NUP58: variants seen among roughly 807,000 people sequenced by gnomAD.
NUP58 encodes nucleoporin 58.
A neutral mutation model predicts 70.1 loss-of-function variants in NUP58; 17 were observed. That is an observed-to-expected ratio of 0.24 (90% CI 0.17 to 0.36). NUP58 has a LOEUF of 0.36. NUP58 is among the 10% of genes least tolerant of loss of function. The probability of loss-of-function intolerance (pLI) is 1.00; values close to 1 mark genes in which losing one functional copy is unlikely to be tolerated. For synonymous variants in NUP58, 275 were observed against 257.6 expected (o/e 1.07, Z -0.65); for missense variants, 644 against 701.5 (o/e 0.92, Z 0.93).
At chr13:25,343,799 A>G (rs2032010168), downstream of NUP58, among the ~76,000 whole-genome samples, 1 of 99,340 alleles carries the variant, frequency 1.0e-5, no homozygotes. Flanking sequence ...TATTCCACAT[A>G]TATATGTATA....
intron 6 of NUP58, chr13:25,317,822 A>G (rs926387669): frequency 3.3e-5 from 5 of 151,710 alleles, no homozygotes; most frequent in Non-Finnish European, 7.4e-5. Context: ...CCCCATGTGC[A>G]GAGGTAAAAG....
At chr13:25,343,304 T>A (rs112021501), downstream of NUP58, among the ~76,000 whole-genome samples, 918 of 151,600 alleles carry the variant, frequency 6.1e-3, 6 homozygotes, top group African/African-American at 0.017. Flanking sequence ...TCTCTTTTTT[T>A]AAATTTTTAT....
chr13:25,303,853 A>G lies in NUP58; in HGVS notation c.107+1973A>G, dbSNP rs529621851. On this transcript the variant is annotated intron_variant, in intron 1 of 15. Coordinates refer to ENST00000381736, the MANE Select transcript of NUP58 (RefSeq NM_014089.4). ...TGCCTGGCATAGAAAAAGGGCTTTA[A>G]TAACAATTTGAATGACTGAGCAAAT... is the stretch of plus-strand genomic sequence containing the variant. Among the ~76,000 whole-genome samples, 5 of 152,382 alleles carry G rather than the reference A, an allele frequency of 3.3e-5. No homozygotes were observed. In the South Asian group the frequency reaches 8.3e-4, roughly 25 times the overall value.
chr13:25,336,933 C>G lies in NUP58; in HGVS notation c.1436-3C>G. 1 of 1,533,748 alleles carries G rather than the reference C, an allele frequency of 6.5e-7. No individual in the cohort carries two copies. The highest frequency in any genetic ancestry group is 8.7e-7 in the Non-Finnish European group (1 of 1,144,246). On this transcript the variant is annotated splice_polypyrimidine_tract_variant and splice_region_variant and intron_variant, in intron 13 of 15. Transcript: ENST00000381736. ...CCCCATTTTTTTTTTTTTTTTATAC[C>G]AGGGCCACAGCCATCTCTGGGAGTT...
chr13:25,305,245 G>C (rs1265689513), intron 1 of NUP58, among the ~76,000 whole-genome samples: 1 of 149,272 alleles, frequency 6.7e-6, no homozygotes, highest in African/African-American at 2.5e-5. Flanking sequence ...CTGGGCTAAA[G>C]TGATCTTTCC....
At chr13:25,347,554 C>T (rs1265018054) in intron 3 of NUP58, among the ~76,000 whole-genome samples, 1 of 152,238 alleles carries the variant, frequency 6.6e-6, no homozygotes, top group Non-Finnish European at 1.5e-5. Flanking sequence ...AGTCTCAGTG[C>T]TCCAACGTTT....
intron 9 of NUP58, among the ~76,000 whole-genome samples, chr13:25,322,016 T>C (rs902481913): frequency 6.6e-6 from 1 of 152,258 alleles, no homozygotes; most frequent in African/African-American, 2.4e-5. Flanking sequence ...ACAATACATA[T>C]TAAATATATG....
intron 5 of NUP58, among the ~76,000 whole-genome samples, chr13:25,314,288 TAAGG>T (rs1251939703): frequency 6.6e-6 from 1 of 151,428 alleles, no homozygotes; most frequent in Non-Finnish European, 1.5e-5. Flanking sequence ...ACTAACCAGA[TAAGG>T]AAACAAAGAA....
chr13:25,306,957 T>G (rs2030392612), intron 1 of NUP58, among the ~76,000 whole-genome samples: 1 of 152,156 alleles, frequency 6.6e-6, no homozygotes, highest in Non-Finnish European at 1.5e-5. Context: ...TCCCCACTAG[T>G]TTTTCTATGC....
Position 25,337,097 on chromosome 13 carries a change from TA to T in NUP58, c.1534+72del, listed in dbSNP as rs942209028. On this transcript the variant is annotated intron_variant, in intron 14 of 15. Transcript: ENST00000381736. Reference sequence around the variant, plus strand: ...ATATATTTGAATTGATACTAGCCTGTAAAAAAAAATTTCTAAGAGAATCTCC... The same window carrying T: ...ATATATTTGAATTGATACTAGCCTGTAAAAAAAATTTCTAAGAGAATCTCC... The T allele has an allele frequency of 6.2e-4, 666 of 1,075,850 alleles. 1 individual carries two copies. The highest frequency in any genetic ancestry group is 1.4e-3 in the South Asian group (74 of 53,196). 66.6% of individuals were successfully genotyped at this position (1,075,850 alleles called of 1,614,324 possible). A position where few individuals can be genotyped will look rare whatever the true frequency, so the allele number is the denominator to read the frequency against.
intron 12 of NUP58, among the ~76,000 whole-genome samples, chr13:25,330,442 A>G (rs2031561933): frequency 6.6e-6 from 1 of 152,208 alleles, no homozygotes; most frequent in South Asian, 2.1e-4. Context: ...TACTATAAAC[A>G]ACAGTAAGAT....
At chr13:25,348,208 GTA>G (rs2032071939) in intron 3 of NUP58, among the ~76,000 whole-genome samples, 1 of 152,134 alleles carries the variant, frequency 6.6e-6, no homozygotes, top group African/African-American at 2.4e-5. Context: ...AAAAACTTGA[GTA>G]TATGAGTCTA....
intron 1 of NUP58, among the ~76,000 whole-genome samples, chr13:25,305,301 G>A (rs943247052): frequency 9.2e-5 from 14 of 151,722 alleles, no homozygotes; most frequent in African/African-American, 1.2e-4. Flanking sequence ...GTGTGCATTG[G>A]CACGCCTGGC....
At chr13:25,307,686 T>A (rs112411025) in intron 1 of NUP58, 120 bp from the exon 2 acceptor site, 1 of 904,906 alleles carries the variant, frequency 1.1e-6, no homozygotes, top group Admixed American at 2.7e-5. Context: ...GTATTAGATA[T>A]GTTATGTGAA....
chr13:25,321,474 T>C (rs946788398), intron 9 of NUP58, among the ~76,000 whole-genome samples: 5 of 152,202 alleles, frequency 3.3e-5, no homozygotes, highest in African/African-American at 1.2e-4. Flanking sequence ...TTCGTAAGTG[T>C]GGTTGCTGGC....
intron 3 of NUP58, among the ~76,000 whole-genome samples, chr13:25,312,622 C>T (rs750321081): frequency 2.6e-5 from 4 of 152,206 alleles, no homozygotes; most frequent in African/African-American, 4.8e-5. Flanking sequence ...CCCATCTTGG[C>T]CTCCCAAAGT....
chr13:25,335,554 A>G, intron 13 of NUP58: 1 of 984,106 alleles, frequency 1.0e-6, no homozygotes, highest in Non-Finnish European at 1.2e-6. Flanking sequence ...TTATTCTCAA[A>G]GTGATCTCAA....
At chr13:25,313,834 C>G in intron 5 of NUP58, 83 bp downstream of exon 5, 1 of 1,154,612 alleles carries the variant, frequency 8.7e-7, no homozygotes, top group Middle Eastern at 3.0e-4. Flanking sequence ...TTGAGCAGGT[C>G]ACTTTTTAAT....
chr13:25,311,180 T>G (rs2030647657), intron 3 of NUP58, among the ~76,000 whole-genome samples: 1 of 151,942 alleles, frequency 6.6e-6, no homozygotes, highest in East Asian at 1.9e-4. Flanking sequence ...AGTATTTTGG[T>G]TTTGGAGCTT....
Sources: gnomAD v4.1 joint callset for allele counts (sites outside exome capture counted in the v4.1 genomes callset) on GRCh38, gnomAD v4.1.1 for gene constraint, MANE v1.5 for transcripts, NCBI Gene and HGNC (gene_info 2026-07-23, HGNC 2026-07-21) for gene names.